The following SNTG1 variants were observed in gnomAD, a reference collection of about 807,000 sequenced individuals.
SNTG1 encodes syntrophin gamma 1.
SNTG1 carries 39 observed loss-of-function variants against 74.7 expected under a neutral mutation model. That is an observed-to-expected ratio of 0.52 (90% CI 0.40 to 0.68). The LOEUF (loss-of-function observed/expected upper bound fraction) is 0.68, where lower values mean the gene tolerates loss of function less well. SNTG1 is among the 30% of genes least tolerant of loss of function. SNTG1 has a pLI of 0.00. For synonymous variants in SNTG1, 254 were observed against 217.1 expected (o/e 1.17, Z -1.49); for missense variants, 685 against 609.5 (o/e 1.12, Z -1.30).
chr8:50,149,356 A>T (rs1037945696), intron 1 of SNTG1, among the ~76,000 whole-genome samples: 3 of 152,158 alleles, frequency 2.0e-5, no homozygotes, highest in Non-Finnish European at 4.4e-5. Context: ...GTTCACCCTG[A>T]TGGCAGTTTC....
At chr8:50,064,206 A>G (rs1820714849) in intron 1 of SNTG1, among the ~76,000 whole-genome samples, 1 of 152,354 alleles carries the variant, frequency 6.6e-6, no homozygotes, top group Admixed American at 6.5e-5. Context: ...CACGTGTAAG[A>G]TGACTAAAAC....
rs528651318 is a variant in SNTG1, at chr8:50,006,523, G to C, written c.-103+94292G>C. Among the ~76,000 whole-genome samples, 12 of 152,180 alleles carry C rather than the reference G, an allele frequency of 7.9e-5. 1 individual carries two copies. In the East Asian group the frequency reaches 1.5e-3, roughly 20 times the overall value. ...GCCTTTTGGCTTATTATGTTTCAAGGCTGGGTACTATTTAAGATTTTTTTT... is the reference window on the plus strand; with the variant it reads ...GCCTTTTGGCTTATTATGTTTCAAGCCTGGGTACTATTTAAGATTTTTTTT... On this transcript the variant is annotated intron_variant, in intron 1 of 18. Transcript: ENST00000642720.
intron 13 of SNTG1, among the ~76,000 whole-genome samples, chr8:50,649,959 T>C (rs2095134590): frequency 6.6e-6 from 1 of 151,932 alleles, no homozygotes; most frequent in Non-Finnish European, 1.5e-5. Context: ...ATGGACTTGT[T>C]TATCTTCTAA....
chr8:49,994,316 C>T (rs1231721561), intron 1 of SNTG1, among the ~76,000 whole-genome samples: 2 of 148,688 alleles, frequency 1.3e-5, no homozygotes, highest in African/African-American at 5.0e-5. Flanking sequence ...AGTGCAATGG[C>T]CCAATCTCGG....
At chr8:49,946,076 T>C (rs1318220731) in intron 1 of SNTG1, among the ~76,000 whole-genome samples, 2 of 152,202 alleles carry the variant, frequency 1.3e-5, no homozygotes, top group African/African-American at 4.8e-5. Flanking sequence ...CAATGACCTC[T>C]CTAGTCCAGC....
intron 15 of SNTG1, among the ~76,000 whole-genome samples, chr8:50,661,596 C>T (rs530596055): frequency 8.3e-4 from 127 of 152,188 alleles, no homozygotes; most frequent in African/African-American, 2.8e-3. Flanking sequence ...AGTTTTGTTA[C>T]GTAGGTATAC....
At chr8:50,425,166 A>G (rs1432613379) in intron 4 of SNTG1, among the ~76,000 whole-genome samples, 2 of 152,166 alleles carry the variant, frequency 1.3e-5, no homozygotes, top group East Asian at 3.9e-4. Flanking sequence ...AGATAAGGGC[A>G]AAAAGGGATT....
chr8:50,183,478 T>C (rs2083278749), intron 2 of SNTG1, among the ~76,000 whole-genome samples: 1 of 152,210 alleles, frequency 6.6e-6, no homozygotes, highest in Non-Finnish European at 1.5e-5. Flanking sequence ...CAGACTAAGC[T>C]GAAGACTTCC....
At chr8:49,966,275 A>C (rs16914109) in intron 1 of SNTG1, among the ~76,000 whole-genome samples, 7,450 of 152,180 alleles carry the variant, frequency 0.049, 605 homozygotes, top group African/African-American at 0.17. Context: ...CCATAAAATC[A>C]TTGTAAATTT....
intron 8 of SNTG1, among the ~76,000 whole-genome samples, chr8:50,463,693 T>C (rs2093586325): frequency 1.3e-5 from 2 of 152,164 alleles, no homozygotes. Flanking sequence ...AGTTTAATTC[T>C]TAAAGTCGCT....
intron 2 of SNTG1, among the ~76,000 whole-genome samples, chr8:50,370,560 C>A (rs1285491929): frequency 2.0e-5 from 3 of 149,442 alleles, no homozygotes; most frequent in Non-Finnish European, 4.4e-5. Context: ...TCCCCACCTG[C>A]AATGATAGTA....
intron 2 of SNTG1, among the ~76,000 whole-genome samples, chr8:50,373,799 A>C (rs2092320410): frequency 1.3e-5 from 2 of 152,144 alleles, no homozygotes; most frequent in Non-Finnish European, 2.9e-5. Context: ...ATAACTGTGA[A>C]GTCACCTGGG....
intron 2 of SNTG1, among the ~76,000 whole-genome samples, chr8:50,354,526 AT>A (rs2091763867): frequency 6.6e-6 from 1 of 152,146 alleles, no homozygotes; most frequent in Non-Finnish European, 1.5e-5. Context: ...GTATTGTTTC[AT>A]GTTGCCCTAA....
In SNTG1 at chr8:49,956,044, G is replaced by T. The variant is rs573387787; in HGVS notation, c.-103+43813G>T. 3.3e-5 allele frequency among the ~76,000 whole-genome samples: 5 copies of T among 152,288 alleles called. No individual in the cohort carries two copies. In the South Asian group the frequency reaches 1.0e-3, roughly 32 times the overall value. The stretch of plus-strand genomic sequence containing the variant: ...TTCTCTCCAGCTAGACAGATTTGCT[G>T]ATCAAAGAAGTCTCCTGAAGTGTTA... On this transcript the variant is annotated intron_variant, in intron 1 of 18. Transcript: ENST00000642720.
At chr8:50,330,819 T>C (rs902165675) in intron 2 of SNTG1, among the ~76,000 whole-genome samples, 2 of 152,066 alleles carry the variant, frequency 1.3e-5, no homozygotes, top group African/African-American at 4.8e-5. Flanking sequence ...CAAACACTTA[T>C]AAAACCATTC....
At chr8:49,924,721 A>T (rs970538313) in intron 1 of SNTG1, among the ~76,000 whole-genome samples, 9 of 151,906 alleles carry the variant, frequency 5.9e-5, no homozygotes, top group African/African-American at 2.2e-4. Context: ...ATAATGTTTA[A>T]TGGGTACCTC....
At chr8:50,407,619 C>T (rs957856446) in intron 4 of SNTG1, among the ~76,000 whole-genome samples, 1 of 152,188 alleles carries the variant, frequency 6.6e-6, no homozygotes, top group Admixed American at 6.6e-5. Context: ...CTTGCTCAGG[C>T]TGAAAGAAAG....
chr8:50,262,923 A>G (rs2087268869), intron 2 of SNTG1, among the ~76,000 whole-genome samples: 1 of 152,212 alleles, frequency 6.6e-6, no homozygotes, highest in Non-Finnish European at 1.5e-5. Flanking sequence ...ACTTGTTTTC[A>G]GGGATTAGAG....
chr8:50,392,531 A>G (rs2092675790), intron 2 of SNTG1, among the ~76,000 whole-genome samples: 1 of 152,150 alleles, frequency 6.6e-6, no homozygotes, highest in Admixed American at 6.5e-5. Context: ...TCTTGCTTTC[A>G]GTTTGGTGAT....
Sources: allele counts gnomAD v4.1 joint callset (sites outside exome capture counted in the v4.1 genomes callset), GRCh38; gene constraint gnomAD v4.1.1; transcripts MANE v1.5; gene names NCBI Gene and HGNC (gene_info 2026-07-23, HGNC 2026-07-21).